The following NCEH1 variants were observed in gnomAD, a reference collection of about 807,000 sequenced individuals.
NCEH1 encodes 2-acetyl MAGE hydrolase.
NCEH1 carries 9 observed loss-of-function variants against 25.4 expected under a neutral mutation model. The observed-to-expected ratio is 0.35, with a 90% CI of 0.21 to 0.62. The LOEUF (loss-of-function observed/expected upper bound fraction) is 0.62. Ranked by LOEUF, NCEH1 falls within the 20% of genes least tolerant of loss-of-function variation. The pLI is 0.72. For synonymous variants in NCEH1, 200 were observed against 199.8 expected (o/e 1.00, Z -0.01); for missense variants, 412 against 501.1 (o/e 0.82, Z 1.70).
At chr3:172,658,774 T>C (rs1351400882) in intron 1 of NCEH1, among the ~76,000 whole-genome samples, 2 of 150,278 alleles carry the variant, frequency 1.3e-5, no homozygotes, top group Admixed American at 6.6e-5. Context: ...CCAGAAAACC[T>C]CTAGGGCTGC....
chr3:172,674,724 G>A (rs1187403474), intron 1 of NCEH1, among the ~76,000 whole-genome samples: 4 of 152,140 alleles, frequency 2.6e-5, no homozygotes, highest in South Asian at 2.1e-4. Flanking sequence ...TTACAGTTAC[G>A]CTACTATTCG....
chr3:172,697,557 G>C (rs62281168), intron 1 of NCEH1, among the ~76,000 whole-genome samples: 18,978 of 151,212 alleles, frequency 0.13, 1,365 homozygotes, highest in Non-Finnish European at 0.17. Flanking sequence ...TTTTTAAACT[G>C]TATTAGCATC....
chr3:172,701,738 A>T (rs1457461438), intron 1 of NCEH1, among the ~76,000 whole-genome samples: 1 of 149,600 alleles, frequency 6.7e-6, no homozygotes, highest in Non-Finnish European at 1.5e-5. Context: ...TGCTGGGATT[A>T]CAGTTGTAAG....
At position 172,630,730 on chromosome 3, in the gene NCEH1, T is replaced by C. The variant is rs1242347532; in HGVS notation, c.*2745A>G. Reference sequence around the variant, plus strand: ...GCTTTGCTACCTCCACACTGGATTTTCACTTTATAAAATATATTTGCTATT... The same window carrying C: ...GCTTTGCTACCTCCACACTGGATTTCCACTTTATAAAATATATTTGCTATT... On this transcript the variant is annotated 3_prime_UTR_variant, in exon 5 of 5. Coordinates refer to ENST00000475381, the MANE Select transcript of NCEH1 (RefSeq NM_020792.6). 1.3e-5 allele frequency: 2 copies of C among 152,252 alleles called. No individual in the cohort carries two copies. The highest frequency in any genetic ancestry group is 3.8e-4 in the East Asian group (2 of 5,206). The allele number at this position is 152,252 out of a possible 1,614,324, so 9.4% of individuals were successfully genotyped here.
chr3:172,649,279 T>C (rs1252021884), intron 1 of NCEH1, among the ~76,000 whole-genome samples: 1 of 152,088 alleles, frequency 6.6e-6, no homozygotes, highest in Non-Finnish European at 1.5e-5. Flanking sequence ...TCCTGTCCTG[T>C]CATGAAAAGA....
At chr3:172,637,545 G>C (rs1716648758) in intron 3 of NCEH1, among the ~76,000 whole-genome samples, 1 of 152,008 alleles carries the variant, frequency 6.6e-6, no homozygotes. Flanking sequence ...TTGAGATCAG[G>C]AATTCAAGAC....
At chr3:172,653,369 T>C (rs1046679348) in intron 1 of NCEH1, among the ~76,000 whole-genome samples, 3 of 152,154 alleles carry the variant, frequency 2.0e-5, no homozygotes, top group Non-Finnish European at 4.4e-5. Context: ...TGTTTATATA[T>C]GGGGTTGGTC....
In NCEH1 at chr3:172,631,799, T is replaced by C. The variant is rs1236069487; in HGVS notation, c.*1676A>G. ...CCCCATCTTCCCAGGAGTGAAATGG[T>C]TCTACTTTCTCTCCGTGGTGCCCTG... On this transcript the variant is annotated 3_prime_UTR_variant, in exon 5 of 5. Transcript: ENST00000475381. The C allele has an allele frequency of 6.6e-6, 1 of 152,606 alleles. No individual in the cohort carries two copies. Among genetic ancestry groups the C allele is most frequent in the Non-Finnish European group, 1.5e-5 (1 of 68,032 alleles). 9.5% of individuals were successfully genotyped at this position (152,606 alleles called of 1,614,324 possible). A position where few individuals can be genotyped will look rare whatever the true frequency, so the allele number is the denominator to read the frequency against.
intron 1 of NCEH1, among the ~76,000 whole-genome samples, chr3:172,696,442 G>A (rs1448685413): frequency 3.9e-5 from 6 of 152,176 alleles, no homozygotes; most frequent in South Asian, 2.1e-4. Context: ...TATATTTCTC[G>A]TGTGCCAGGT....
At chr3:172,676,394 A>G (rs906599612) in intron 1 of NCEH1, among the ~76,000 whole-genome samples, 8 of 152,156 alleles carry the variant, frequency 5.3e-5, no homozygotes, top group Non-Finnish European at 1.5e-5. Context: ...CTACCTCCAG[A>G]TAATACCATG....
intron 1 of NCEH1, among the ~76,000 whole-genome samples, chr3:172,654,784 T>C (rs1318414166): frequency 1.3e-5 from 2 of 152,260 alleles, no homozygotes; most frequent in Admixed American, 6.5e-5. Flanking sequence ...TTGTATTCTA[T>C]GTCAGTGACT....
chr3:172,680,766 T>G (rs569278844), intron 1 of NCEH1: 1 of 152,074 alleles, frequency 6.6e-6, no homozygotes, highest in Non-Finnish European at 1.5e-5. Flanking sequence ...GTGGCTGTAG[T>G]GGGAGTCATA....
At chr3:172,706,915 T>C (rs978415876) in intron 1 of NCEH1, among the ~76,000 whole-genome samples, 1 of 152,224 alleles carries the variant, frequency 6.6e-6, no homozygotes, top group African/African-American at 2.4e-5. Flanking sequence ...TTGTTTTTTT[T>C]CTTTGTCTTA....
chr3:172,634,341 C>T (rs1716510259), intron 4 of NCEH1, among the ~76,000 whole-genome samples: 1 of 152,130 alleles, frequency 6.6e-6, no homozygotes, highest in East Asian at 1.9e-4. Flanking sequence ...TGAGTGAACC[C>T]TGTACTTGTA....
chr3:172,639,145 A>C (rs1472454240), intron 3 of NCEH1, among the ~76,000 whole-genome samples: 1 of 152,056 alleles, frequency 6.6e-6, no homozygotes, highest in Non-Finnish European at 1.5e-5. Flanking sequence ...CTAAAAATAC[A>C]AAAATTGCTG....
chr3:172,709,396 C>G (rs1415473861), intron 1 of NCEH1, among the ~76,000 whole-genome samples: 2 of 152,144 alleles, frequency 1.3e-5, no homozygotes, highest in East Asian at 3.8e-4. Context: ...TTTCAAATTA[C>G]ATAATTTCAT....
chr3:172,658,201 T>C lies in NCEH1; in HGVS notation c.139-10087A>G, dbSNP rs529194998. On this transcript the variant is annotated intron_variant, in intron 1 of 4. Transcript: ENST00000475381. ...CACTGCTACACTCCCACCAGCACCA[T>C]GACAGTTTACAAATGCCACCGCAAC... 3.3e-5 allele frequency among the ~76,000 whole-genome samples: 5 copies of C among 152,302 alleles called. No homozygotes were observed. The East Asian group carries it at 5.8e-4, about 18-fold the overall frequency.
At chr3:172,644,725 G>A (rs974613682) in intron 3 of NCEH1, among the ~76,000 whole-genome samples, 1 of 152,196 alleles carries the variant, frequency 6.6e-6, no homozygotes, top group African/African-American at 2.4e-5. Flanking sequence ...TTTACTGAAT[G>A]CTCACCATAT....
At chr3:172,673,905 C>T (rs1372033530) in intron 1 of NCEH1, among the ~76,000 whole-genome samples, 2 of 152,104 alleles carry the variant, frequency 1.3e-5, no homozygotes, top group Non-Finnish European at 2.9e-5. Flanking sequence ...AGCCTGCAGC[C>T]GATGAAAGTC....
Sources: gnomAD v4.1 joint callset for allele counts (sites outside exome capture counted in the v4.1 genomes callset) on GRCh38, gnomAD v4.1.1 for gene constraint, MANE v1.5 for transcripts, NCBI Gene and HGNC (gene_info 2026-07-23, HGNC 2026-07-21) for gene names.